The following PPP1R26 variants were observed in gnomAD, a reference collection of about 807,000 sequenced individuals.
PPP1R26 encodes protein phosphatase 1 regulatory subunit 26.
Under a neutral mutation model 67.6 loss-of-function variants are expected in PPP1R26, and 22 were observed. That is an observed-to-expected ratio of 0.33 (90% CI 0.23 to 0.46). The LOEUF (loss-of-function observed/expected upper bound fraction) is 0.46. PPP1R26 is among the 20% of genes least tolerant of loss of function. PPP1R26 has a pLI of 1.00. For missense variants in PPP1R26, 1,602 were observed against 1,651.4 expected (o/e 0.97, Z 0.52); for synonymous variants, 729 against 717.2 (o/e 1.02, Z -0.26).
In PPP1R26 at chr9:135,483,981, CG is replaced by C; in HGVS notation, c.-163del. 2.5e-6 allele frequency: 1 copy of C among 400,716 alleles called. No individual in the cohort carries two copies. Among genetic ancestry groups the C allele is most frequent in the Non-Finnish European group, 4.4e-6 (1 of 227,498 alleles). The allele number at this position is 400,716 out of a possible 1,614,324, so 24.8% of individuals were successfully genotyped here. On this transcript the variant is annotated 5_prime_UTR_variant, in exon 3 of 4. An upstream open reading frame in the 5' UTR gains an earlier in-frame stop. Coordinates refer to ENST00000356818, the MANE Select transcript of PPP1R26 (RefSeq NM_014811.5). ...GTCGGTTGGGTCAAGAATGAACCTA[CG>C]CATGACGGCGTGCTGATCCTGGGTT...
intron 3 of PPP1R26, 55 bp downstream of exon 3, chr9:135,484,137 G>A (rs1830617604): frequency 9.6e-6 from 4 of 417,736 alleles, no homozygotes; most frequent in Non-Finnish European, 1.3e-5. Context: ...AGTGAGAAGG[G>A]AAGAGCGGGG....
chr9:135,479,496 G>A (rs1030379881), upstream of PPP1R26, among the ~76,000 whole-genome samples: 18 of 149,446 alleles, frequency 1.2e-4, no homozygotes, highest in Non-Finnish European at 2.1e-4. This position sits in a 1 kb window ranked among gnomAD's most constrained non-coding sequence, Gnocchi z 5.9. Flanking sequence ...ACGGGGCTCG[G>A]CCCGGCCCAA....
rs1443174515 is a variant in PPP1R26, at chr9:135,485,051, G to C, written c.541G>C (p.Ala181Pro). The C allele has an allele frequency of 6.2e-7, 1 of 1,602,400 alleles. No homozygotes were observed. Among genetic ancestry groups the C allele is most frequent in the Non-Finnish European group, 8.5e-7 (1 of 1,175,264 alleles). Residue 181 changes from alanine (A) to proline (P), a missense_variant, in exon 4 of 4, where the codon GCC becomes CCC. Transcript: ENST00000356818. The surrounding 1 kb of genome is among the most constrained non-coding windows in gnomAD (Gnocchi z 7.2). ...TAAGCCGGAACCGGCTCACGGCAGT[G>C]CCCCGACTGCCCTGTGTCCCCCAAA... is the stretch of plus-strand genomic sequence containing the variant. ...RCKPEPAHGSAPTALCPPKLV... is the reference protein window; with the variant it reads ...RCKPEPAHGSPPTALCPPKLV...
rs753640925 is a variant in PPP1R26 at position 135,485,957 on chromosome 9, T to C, written c.1447T>C (p.Cys483Arg). 1 of 1,613,346 alleles carries C rather than the reference T, an allele frequency of 6.2e-7. No homozygotes were observed. Among genetic ancestry groups the C allele is most frequent in the Non-Finnish European group, 8.5e-7 (1 of 1,179,998 alleles). ...GGCGGACACATCTGCTGAGCTGATGTGTGCAGAAGCAATCCTGGACATCTC... is the reference window on the plus strand; with the variant it reads ...GGCGGACACATCTGCTGAGCTGATGCGTGCAGAAGCAATCCTGGACATCTC... ...CRADTSAELM[C>R]AEAILDISKT... The change falls in exon 4 of 4, where the codon TGT becomes CGT. Residue 483 changes from cysteine to arginine, a missense_variant. By Grantham distance (180) the Cys-to-Arg change is radical (BLOSUM62 -3). This residue lies in a region of PPP1R26 where 680 missense variants were observed against 726.1 expected (regional missense o/e 0.94). Coordinates refer to ENST00000356818, the MANE Select transcript of PPP1R26 (RefSeq NM_014811.5). This position sits in a 1 kb window ranked among gnomAD's most constrained non-coding sequence, Gnocchi z 7.2.
At position 135,484,957 on chromosome 9, in the gene PPP1R26, G is replaced by A; in HGVS notation, c.447G>A (p.Gln149=). 2 of 1,579,356 alleles carry A rather than the reference G, an allele frequency of 1.3e-6. No individual in the cohort carries two copies. Among genetic ancestry groups the A allele is most frequent in the Non-Finnish European group, 1.7e-6 (2 of 1,163,846 alleles). The change falls in exon 4 of 4, where the codon CAG becomes CAA. Residue 149 remains glutamine (Q), a synonymous_variant. Transcript: ENST00000356818. Reference sequence around the variant, plus strand: ...TGAAGGCAAAGAGTGGAGCCGCACAGCCCGGGGCCGGCGGGGCCCAGCCAG... The same window carrying A: ...TGAAGGCAAAGAGTGGAGCCGCACAACCCGGGGCCGGCGGGGCCCAGCCAG... ...EYLKAKSGAA[Q]PGAGGAQPGA... is the part of the protein sequence containing the mutation.
rs113073158 is a variant in PPP1R26 at position 135,487,747 on chromosome 9, G to A, written c.3237G>A (p.Ser1079=). The A allele has an allele frequency of 3.0e-5, 44 of 1,466,576 alleles. No homozygotes were observed. The highest frequency in any genetic ancestry group is 1.3e-4 in the African/African-American group (9 of 70,548). 90.8% of individuals were successfully genotyped at this position (1,466,576 alleles called of 1,614,324 possible). Residue 1079 remains serine (S), a synonymous_variant, in exon 4 of 4, where the codon TCG becomes TCA. Transcript: ENST00000356818. ...GLPSLPLAGF[S]PLLSTQLFHF... is the part of the protein sequence containing the mutation. ...CCAGCCTGCCCCTTGCGGGCTTCTC[G>A]CCGCTGCTGTCCACCCAGCTCTTCC...
chr9:135,488,248 T>C lies in PPP1R26; in HGVS notation c.*108T>C, dbSNP rs1830843931. 2.1e-6 allele frequency: 3 copies of C among 1,405,942 alleles called. No homozygotes were observed. Among genetic ancestry groups the C allele is most frequent in the African/African-American group, 1.4e-5 (1 of 69,370 alleles). 87.1% of individuals were successfully genotyped at this position (1,405,942 alleles called of 1,614,324 possible). A position where few individuals can be genotyped will look rare whatever the true frequency, so the allele number is the denominator to read the frequency against. On this transcript the variant is annotated 3_prime_UTR_variant, in exon 4 of 4. Coordinates refer to ENST00000356818, the MANE Select transcript of PPP1R26 (RefSeq NM_014811.5). Reference sequence around the variant, plus strand: ...GGCTGCAAGGAAGGGAAACAGTCTATTATACATAGCCCTGTATATATGTAC... The same window carrying C: ...GGCTGCAAGGAAGGGAAACAGTCTACTATACATAGCCCTGTATATATGTAC...
chr9:135,484,584 G>A lies in PPP1R26; in HGVS notation c.74G>A (p.Cys25Tyr), dbSNP rs1480988694. Reference protein sequence around the residue: ...KWEAFGPPGSCRFPRCFSEAD... With the variant: ...KWEAFGPPGSYRFPRCFSEAD... ...GAGGCCTTTGGCCCGCCAGGGAGCT[G>A]TAGGTTCCCCAGGTGCTTCTCGGAG... is the stretch of plus-strand genomic sequence containing the variant. The change falls in exon 4 of 4, where the codon TGT becomes TAT. Residue 25 changes from cysteine (C) to tyrosine (Y), a missense_variant. By Grantham distance (194) the Cys-to-Tyr change is radical. Coordinates refer to ENST00000356818, the MANE Select transcript of PPP1R26 (RefSeq NM_014811.5). 7 of 1,612,752 alleles carry A rather than the reference G, an allele frequency of 4.3e-6. No homozygotes were observed. In the South Asian group the frequency reaches 6.6e-5, roughly 15 times the overall value.
Position 135,485,942 on chromosome 9 carries a change from TCTG to T in PPP1R26, c.1436_1438del (p.Ala479del), listed in dbSNP as rs778205182. 1 of 1,613,372 alleles carries T rather than the reference TCTG, an allele frequency of 6.2e-7. No homozygotes were observed. Among genetic ancestry groups the T allele is most frequent in the Non-Finnish European group, 8.5e-7 (1 of 1,180,006 alleles). On this transcript the variant is annotated inframe_deletion, in exon 4 of 4. Transcript: ENST00000356818. This position sits in a 1 kb window ranked among gnomAD's most constrained non-coding sequence, Gnocchi z 7.2. ...ACGGTCCTCGTGCCGGGCGGACACA[TCTG>T]CTGAGCTGATGTGTGCAGAAGCAAT...
rs371969563 is a variant in PPP1R26 at position 135,487,883 on chromosome 9, G to A, written c.3373G>A (p.Gly1125Arg). The A allele has an allele frequency of 3.5e-5, 55 of 1,578,640 alleles. No homozygotes were observed. The highest frequency in any genetic ancestry group is 1.6e-4 in the African/African-American group (12 of 73,664). The change falls in exon 4 of 4, where the codon GGA (glycine) becomes AGA (arginine). Residue 1125 changes from glycine to arginine, a missense_variant. Gly to Arg is a moderately radical substitution (Grantham distance 125). This residue lies in a region of PPP1R26 where 740 missense variants were observed against 696.3 expected (regional missense o/e 1.06). Coordinates refer to ENST00000356818, the MANE Select transcript of PPP1R26 (RefSeq NM_014811.5). ...SFSAFREAQA[G>R]PSPVFGSPHL... The stretch of plus-strand genomic sequence containing the variant: ...CTCGGCCTTCAGGGAGGCCCAGGCC[G>A]GACCCAGCCCTGTCTTTGGAAGCCC...
rs1032785327 is a variant in PPP1R26, at chr9:135,482,825, A to G, written c.-196+10A>G. On this transcript the variant is annotated intron_variant, in intron 2 of 3. Transcript: ENST00000356818. ...ACTCACAGAATTTCAAGTAATTTCA[A>G]GTAATTCTTGTATTTTAGTTTCCCT... 1 of 398,380 alleles carries G rather than the reference A, an allele frequency of 2.5e-6. No individual in the cohort carries two copies. The highest frequency in any genetic ancestry group is 4.4e-6 in the Non-Finnish European group (1 of 226,030). The allele number at this position is 398,380 out of a possible 1,614,324, so 24.7% of individuals were successfully genotyped here.
At position 135,485,283 on chromosome 9, in the gene PPP1R26, A is replaced by G; in HGVS notation, c.773A>G (p.Asn258Ser). 6.2e-7 allele frequency: 1 copy of G among 1,612,996 alleles called. No homozygotes were observed. ...GAGAAGAAACCAGACACAAATGAAA[A>G]TTCCGCCAAGTCACTCTTGAAATCC... is the stretch of plus-strand genomic sequence containing the variant. ...SVEKKPDTNE[N>S]SAKSLLKSHQ... The change falls in exon 4 of 4, where the codon AAT (asparagine) becomes AGT (serine). Residue 258 changes from asparagine to serine, a missense_variant. Asn to Ser is a conservative substitution (Grantham distance 46). Transcript: ENST00000356818. The surrounding 1 kb of genome is among the most constrained non-coding windows in gnomAD (Gnocchi z 7.2).
rs1830845627 is a variant in PPP1R26 at position 135,488,291 on chromosome 9, A to G, written c.*151A>G. ...ATATGTACACCAACATGAAACTTTTATTTAACAGACGTGTCCTGGTAAATA... is the reference window on the plus strand; with the variant it reads ...ATATGTACACCAACATGAAACTTTTGTTTAACAGACGTGTCCTGGTAAATA... On this transcript the variant is annotated 3_prime_UTR_variant, in exon 4 of 4. Coordinates refer to ENST00000356818, the MANE Select transcript of PPP1R26 (RefSeq NM_014811.5). 1.7e-5 allele frequency: 20 copies of G among 1,185,300 alleles called. No homozygotes were observed. The highest frequency in any genetic ancestry group is 1.8e-5 in the Non-Finnish European group (17 of 930,446). 73.4% of individuals were successfully genotyped at this position (1,185,300 alleles called of 1,614,324 possible). A position where few individuals can be genotyped will look rare whatever the true frequency, so the allele number is the denominator to read the frequency against.
intron 2 of PPP1R26, among the ~76,000 whole-genome samples, chr9:135,483,184 G>T (rs1830586229): frequency 6.6e-6 from 1 of 151,864 alleles, no homozygotes; most frequent in Non-Finnish European, 1.5e-5. Context: ...TAGAGATGGA[G>T]TTTCACTATA....
rs1830777466 is a variant in PPP1R26 at position 135,487,246 on chromosome 9, A to G, written c.2736A>G (p.Gly912=). The G allele has an allele frequency of 6.3e-7, 1 of 1,576,066 alleles. No individual in the cohort carries two copies. Among genetic ancestry groups the G allele is most frequent in the Non-Finnish European group, 8.6e-7 (1 of 1,162,510 alleles). The change falls in exon 4 of 4, where the codon GGA becomes GGG. Residue 912 remains glycine, a synonymous_variant. Coordinates refer to ENST00000356818, the MANE Select transcript of PPP1R26 (RefSeq NM_014811.5). Reference sequence around the variant, plus strand: ...GGCTTCGAGGCACAGAGAGCGCAGGAGCACAGGGCACAGCTGGTCTGTTCA... The same window carrying G: ...GGCTTCGAGGCACAGAGAGCGCAGGGGCACAGGGCACAGCTGGTCTGTTCA... ...AEGLRGTESA[G]AQGTAGLFSQ...
In PPP1R26 at chr9:135,487,934, G is replaced by A. The variant is rs150835320; in HGVS notation, c.3424G>A (p.Gly1142Ser). The change falls in exon 4 of 4, where the codon GGC becomes AGC. Residue 1142 changes from glycine (G) to serine (S), a missense_variant. This residue lies in a region of PPP1R26 where 740 missense variants were observed against 696.3 expected (regional missense o/e 1.06). Coordinates refer to ENST00000356818, the MANE Select transcript of PPP1R26 (RefSeq NM_014811.5). ...SPHLLAKKDG[G>S]PWPTRKAQAG... is the part of the protein sequence containing the mutation. The stretch of plus-strand genomic sequence containing the variant: ...ACACTTGCTGGCAAAGAAGGACGGC[G>A]GCCCCTGGCCAACCAGGAAGGCACA... 44 of 1,583,884 alleles carry A rather than the reference G, an allele frequency of 2.8e-5. No individual in the cohort carries two copies. Among genetic ancestry groups the A allele is most frequent in the Admixed American group, 7.3e-5 (4 of 54,890 alleles).
intron 1 of PPP1R26, among the ~76,000 whole-genome samples, chr9:135,481,215 A>G (rs925902949): frequency 6.8e-6 from 1 of 147,038 alleles, no homozygotes; most frequent in African/African-American, 2.5e-5. Context: ...ATCTCTAAGG[A>G]CTGATTAGGG....
chr9:135,485,515 T>A lies in PPP1R26; in HGVS notation c.1005T>A (p.Gly335=). ...CRPSEAAQNK[G]GIKRSASAAR... is the part of the protein sequence containing the mutation. ...CTTCAGAAGCAGCACAGAATAAAGG[T>A]GGGATCAAAAGGAGCGCCAGCGCTG... The change falls in exon 4 of 4, where the codon GGT becomes GGA. Residue 335 remains glycine, a synonymous_variant. Coordinates refer to ENST00000356818, the MANE Select transcript of PPP1R26 (RefSeq NM_014811.5). The surrounding 1 kb of genome is among the most constrained non-coding windows in gnomAD (Gnocchi z 7.2). 6.2e-7 allele frequency: 1 copy of A among 1,612,316 alleles called. No individual in the cohort carries two copies. The highest frequency in any genetic ancestry group is 8.5e-7 in the Non-Finnish European group (1 of 1,179,800).
rs1351804744 is a variant in PPP1R26 at position 135,487,832 on chromosome 9, G to C, written c.3322G>C (p.Gly1108Arg). 1.9e-6 allele frequency: 3 copies of C among 1,593,908 alleles called. No homozygotes were observed. The highest frequency in any genetic ancestry group is 2.6e-6 in the Non-Finnish European group (3 of 1,172,394). The stretch of plus-strand genomic sequence containing the variant: ...GGCTGGCCTCTTCAGCCCCCACCTG[G>C]GGCTGCCTCTGCAGGGCCCCTCCTT... Reference protein sequence around the residue: ...RQAGLFSPHLGLPLQGPSFSA... With the variant: ...RQAGLFSPHLRLPLQGPSFSA... Residue 1108 changes from glycine to arginine, a missense_variant, in exon 4 of 4, where the codon GGG (glycine) becomes CGG (arginine). Transcript: ENST00000356818.
Sources: allele counts gnomAD v4.1 joint callset (sites outside exome capture counted in the v4.1 genomes callset), GRCh38; gene constraint gnomAD v4.1.1; regional missense constraint gnomAD v4.1.1; non-coding constraint Gnocchi (gnomAD v3.1); transcripts MANE v1.5; gene names NCBI Gene and HGNC (gene_info 2026-07-23, HGNC 2026-07-21).